Variants in DST observed in about 807,000 individuals in gnomAD.
DST encodes the protein bullous pemphigoid antigen.
DST carries 253 observed loss-of-function variants against 875.2 expected under a neutral mutation model. The ratio of observed to expected loss-of-function variants is 0.29; its 90% confidence interval spans 0.26 to 0.32. The LOEUF (loss-of-function observed/expected upper bound fraction) is 0.32. Among genes scored for constraint, DST ranks in the 10% least tolerant of loss-of-function variants. The pLI, the probability that DST is intolerant of heterozygous loss-of-function variation, is 1.00. For synonymous variants in DST, 3,124 were observed against 3,197.1 expected, an observed-to-expected ratio of 0.98 and a Z score of 0.77; for missense variants, 8,287 against 9,111.6, an observed-to-expected ratio of 0.91 and a Z score of 3.68.
At chr6:56,660,245 T>A (rs922879615) in intron 10 of DST, among the ~76,000 whole-genome samples, 1 of 152,206 alleles carries the variant, frequency 6.6e-6, no homozygotes, top group Non-Finnish European at 1.5e-5. Context: ...ACAAAGCACA[T>A]GGCTGGGTTC....
intron 50 of DST, among the ~76,000 whole-genome samples, chr6:56,578,232 C>T (rs1385607571): frequency 1.3e-5 from 2 of 152,062 alleles, no homozygotes; most frequent in South Asian, 2.1e-4. Flanking sequence ...AAATTAGCTG[C>T]ACATGACAGA....
At chr6:56,492,847 G>A (rs913712906) in intron 84 of DST, 87 bp downstream of exon 84, 21 of 1,139,226 alleles carry the variant, frequency 1.8e-5, no homozygotes, top group African/African-American at 1.5e-4. Context: ...AGTCCTGGAC[G>A]ACAGAGGAGT....
intron 71 of DST, 60 bp from the exon 72 acceptor site, chr6:56,515,728 A>C: frequency 7.3e-7 from 1 of 1,373,916 alleles, no homozygotes; most frequent in Non-Finnish European, 1.0e-6. Flanking sequence ...CACACTCCAG[A>C]GTGCTCTGTC....
intron 4 of DST, among the ~76,000 whole-genome samples, chr6:56,836,858 A>G (rs1426127554): frequency 6.8e-6 from 1 of 147,776 alleles, no homozygotes; most frequent in African/African-American, 2.4e-5. Flanking sequence ...CTCAAAAAAA[A>G]AAAAAGAAAG....
chr6:56,950,929 G>A (rs531299132), intron 2 of DST, among the ~76,000 whole-genome samples: 1 of 152,246 alleles, frequency 6.6e-6, no homozygotes, highest in East Asian at 1.9e-4. Flanking sequence ...GGAAGAAACT[G>A]AAAAAATGTG....
chr6:56,904,612 T>C (rs184279206), intron 2 of DST, among the ~76,000 whole-genome samples: 9 of 152,274 alleles, frequency 5.9e-5, no homozygotes, highest in African/African-American at 1.9e-4. Flanking sequence ...TTACAAACAC[T>C]ATAAACAACG....
At chr6:56,803,632 C>T (rs147992907) in intron 4 of DST, among the ~76,000 whole-genome samples, 3 of 152,298 alleles carry the variant, frequency 2.0e-5, no homozygotes, top group African/African-American at 7.2e-5. Context: ...CGTACAACCC[C>T]TGATATGAAT....
intron 69 of DST, among the ~76,000 whole-genome samples, chr6:56,520,539 G>A (rs921282162): frequency 6.6e-6 from 1 of 151,994 alleles, no homozygotes; most frequent in Non-Finnish European, 1.5e-5. Context: ...TACCACTGGG[G>A]AAAACTGAGT....
chr6:56,877,879 A>T (rs996594507), intron 3 of DST, among the ~76,000 whole-genome samples: 1 of 152,212 alleles, frequency 6.6e-6, no homozygotes, highest in Non-Finnish European at 1.5e-5. Flanking sequence ...TTTTAGAATA[A>T]TTTGACATTG....
intron 2 of DST, among the ~76,000 whole-genome samples, chr6:56,907,734 A>G (rs957657303): frequency 2.0e-5 from 3 of 152,240 alleles, no homozygotes; most frequent in Admixed American, 6.5e-5. Flanking sequence ...AACAATTTAG[A>G]TGAATGAGGC....
At chr6:56,557,704 CTAAAGT>C (rs915265547) in intron 58 of DST, among the ~76,000 whole-genome samples, 186 bp from the exon 59 acceptor site, 1 of 152,036 alleles carries the variant, frequency 6.6e-6, no homozygotes, top group African/African-American at 2.4e-5. Context: ...TGTATGTCAA[CTAAAGT>C]ATAGGGAAAA....
At chr6:56,618,146 C>T (rs1268840740) in intron 36 of DST, 4 of 1,613,996 alleles carry the variant, frequency 2.5e-6, no homozygotes, top group Non-Finnish European at 3.4e-6. Flanking sequence ...TAACTCGGTG[C>T]TTGTCTGAGA....
At chr6:56,620,833 C>T in intron 36 of DST, 3 of 879,786 alleles carry the variant, frequency 3.4e-6, no homozygotes, top group South Asian at 1.4e-5. Context: ...AGAACAAGCG[C>T]TATCACCACC....
chr6:56,862,135 C>T (rs1562212997), intron 3 of DST, among the ~76,000 whole-genome samples: 1 of 152,142 alleles, frequency 6.6e-6, no homozygotes, highest in Non-Finnish European at 1.5e-5. Context: ...AAAGAAAGCT[C>T]TGCCACAACC....
intron 2 of DST, among the ~76,000 whole-genome samples, chr6:56,912,618 TA>T (rs1799237124): frequency 6.6e-6 from 1 of 152,112 alleles, no homozygotes; most frequent in African/African-American, 2.4e-5. Flanking sequence ...CTTAACACAA[TA>T]AAAGTTTATG....
chr6:56,954,334 A>G (rs752458590), intron 1 of DST, 73 bp downstream of exon 1: 32 of 1,173,158 alleles, frequency 2.7e-5, no homozygotes, highest in Non-Finnish European at 3.5e-5. Flanking sequence ...GAAGGGAGCG[A>G]GCCGCGCTTC....
In DST at chr6:56,482,089, A is replaced by G. The variant is rs756586657; in HGVS notation, c.21492T>C (p.Asp7164=). The G allele has an allele frequency of 1.9e-6, 3 of 1,613,702 alleles. No individual in the cohort carries two copies. The highest frequency in any genetic ancestry group is 2.5e-6 in the Non-Finnish European group (3 of 1,179,834). Residue 7164 remains aspartate, a synonymous_variant, in exon 90 of 104, where the codon GAT becomes GAC. Transcript: ENST00000680361. ...QTLRFHGVLP[D]DEDALRTLID... is the part of the protein sequence containing the mutation. ...TGAGAGTCCGGAGAGCATCCTCATC[A>G]TCTGGGAGGACACCATGGAAACGCA...
chr6:56,584,000 G>A (rs1395549152), intron 49 of DST, among the ~76,000 whole-genome samples: 1 of 152,178 alleles, frequency 6.6e-6, no homozygotes, highest in Non-Finnish European at 1.5e-5. Flanking sequence ...CTGTAGCCTT[G>A]TAGTATAGTT....
At chr6:56,852,442 G>A (rs1765739124) in intron 3 of DST, among the ~76,000 whole-genome samples, 1 of 152,224 alleles carries the variant, frequency 6.6e-6, no homozygotes, top group South Asian at 2.1e-4. Context: ...ATGAGAAACA[G>A]GATGCTTTTG....
Sources: allele counts gnomAD v4.1 joint callset (sites outside exome capture counted in the v4.1 genomes callset), GRCh38; gene constraint gnomAD v4.1.1; transcripts MANE v1.5; gene names NCBI Gene and HGNC (gene_info 2026-07-23, HGNC 2026-07-21).